The following MVB12B variants were observed in gnomAD, a reference collection of about 807,000 sequenced individuals.
MVB12B encodes multivesicular body subunit 12B, also known as ESCRT-I complex subunit MVB12B.
Under a neutral mutation model 41.6 loss-of-function variants are expected in MVB12B, and 16 were observed. That is an observed-to-expected ratio of 0.38 (90% confidence interval 0.26 to 0.58). The LOEUF (loss-of-function observed/expected upper bound fraction) is 0.58, where lower values mean the gene tolerates loss of function less well. Ranked by LOEUF, MVB12B falls within the 20% of genes least tolerant of loss-of-function variation. MVB12B has a pLI of 0.62. For missense variants in MVB12B, 274 were observed against 380.2 expected (o/e 0.72, Z 2.32); for synonymous variants, 133 against 139.7 (o/e 0.95, Z 0.34).
At chr9:126,471,308 C>T (rs1833310744) in intron 7 of MVB12B, among the ~76,000 whole-genome samples, 1 of 152,198 alleles carries the variant, frequency 6.6e-6, no homozygotes, top group Admixed American at 6.5e-5. Context: ...AAGTGACTTG[C>T]CCAAAGCCAT....
Position 126,395,449 on chromosome 9 carries a change from G to A in MVB12B, c.540-126G>A. On this transcript the variant is annotated intron_variant, in intron 5 of 9. Coordinates refer to ENST00000361171, the MANE Select transcript of MVB12B (RefSeq NM_033446.3). The surrounding 1 kb of genome is among the most constrained non-coding windows in gnomAD (Gnocchi z 4.9). ...GGAGACGGTGGAACCCATTTCACGT[G>A]GAGGGCAAGAATTGATTCCCTGGTG... is the stretch of plus-strand genomic sequence containing the variant. 8.6e-7 allele frequency: 1 copy of A among 1,160,590 alleles called. No individual in the cohort carries two copies. The highest frequency in any genetic ancestry group is 1.2e-6 in the Non-Finnish European group (1 of 804,928). The allele number at this position is 1,160,590 out of a possible 1,614,324, so 71.9% of individuals were successfully genotyped here.
intron 1 of MVB12B, among the ~76,000 whole-genome samples, chr9:126,335,571 G>A (rs1829250524): frequency 6.6e-6 from 1 of 152,164 alleles, no homozygotes; most frequent in African/African-American, 2.4e-5. Context: ...GTAATCCCGG[G>A]GCACCAGAGG....
chr9:126,376,034 C>G lies in MVB12B; in HGVS notation c.205-5030C>G, dbSNP rs1038636261. Reference sequence around the variant, plus strand: ...TAACACAGAGGCTCCCCCTCCCCTCCGGTTTTTATTTTAAAAGTTCTTTCT... The same window carrying G: ...TAACACAGAGGCTCCCCCTCCCCTCGGGTTTTTATTTTAAAAGTTCTTTCT... On this transcript the variant is annotated intron_variant, in intron 2 of 9. Transcript: ENST00000361171. The surrounding 1 kb of genome is among the most constrained non-coding windows in gnomAD (Gnocchi z 4.1). 6.6e-6 allele frequency among the ~76,000 whole-genome samples: 1 copy of G among 152,116 alleles called. No individual in the cohort carries two copies. The highest frequency in any genetic ancestry group is 6.5e-5 in the Admixed American group (1 of 15,280).
intron 2 of MVB12B, among the ~76,000 whole-genome samples, chr9:126,357,149 C>G (rs1829903355): frequency 6.6e-6 from 1 of 152,106 alleles, no homozygotes; most frequent in Non-Finnish European, 1.5e-5. Context: ...GGCTTTTTTC[C>G]TCTCAGAATA....
intron 2 of MVB12B, among the ~76,000 whole-genome samples, chr9:126,373,908 CAA>C (rs947816204): frequency 6.6e-6 from 1 of 152,306 alleles, no homozygotes; most frequent in Admixed American, 6.5e-5. Flanking sequence ...TGTGCAGAGC[CAA>C]ACAGTGGTTA....
chr9:126,369,738 C>T (rs868585706), intron 2 of MVB12B, among the ~76,000 whole-genome samples: 164 of 152,322 alleles, frequency 1.1e-3, no homozygotes, highest in African/African-American at 3.9e-3. Flanking sequence ...ACTGCAACCT[C>T]CGCCTTCCAG....
intron 7 of MVB12B, among the ~76,000 whole-genome samples, chr9:126,460,833 G>A (rs889413512): frequency 6.6e-6 from 1 of 152,142 alleles, no homozygotes; most frequent in African/African-American, 2.4e-5. Context: ...CTTTGCCTGA[G>A]TGGCCTCTGT....
At chr9:126,390,378 C>T (rs1378324556) in intron 4 of MVB12B, among the ~76,000 whole-genome samples, 1 of 152,198 alleles carries the variant, frequency 6.6e-6, no homozygotes, top group East Asian at 1.9e-4. Flanking sequence ...CCTGAGGTCA[C>T]AGTGCCAGGA....
rs535103559 is a variant in MVB12B at position 126,335,473 on chromosome 9, C to T, written c.82-5035C>T. The T allele has an allele frequency of 1.5e-5, 18 of 1,165,100 alleles. No individual in the cohort carries two copies. The East Asian group carries it at 1.0e-3, about 67-fold the overall frequency. The allele number at this position is 1,165,100 out of a possible 1,614,324, so 72.2% of individuals were successfully genotyped here. A position where few individuals can be genotyped will look rare whatever the true frequency, so the allele number is the denominator to read the frequency against. On this transcript the variant is annotated intron_variant, in intron 1 of 9. Coordinates refer to ENST00000361171, the MANE Select transcript of MVB12B (RefSeq NM_033446.3). ...GTGTGTGTGGTGTGCATTGGTGAGGCCTGGCCACAGGTTCCCTCCTTGGGG... is the reference window on the plus strand; with the variant it reads ...GTGTGTGTGGTGTGCATTGGTGAGGTCTGGCCACAGGTTCCCTCCTTGGGG...
Position 126,503,345 on chromosome 9 carries a change from G to C in MVB12B, c.*82G>C. 1 of 1,131,464 alleles carries C rather than the reference G, an allele frequency of 8.8e-7. No homozygotes were observed. The highest frequency in any genetic ancestry group is 1.3e-6 in the Non-Finnish European group (1 of 788,566). 70.1% of individuals were successfully genotyped at this position (1,131,464 alleles called of 1,614,324 possible). A position where few individuals can be genotyped will look rare whatever the true frequency, so the allele number is the denominator to read the frequency against. On this transcript the variant is annotated 3_prime_UTR_variant, in exon 10 of 10. Coordinates refer to ENST00000361171, the MANE Select transcript of MVB12B (RefSeq NM_033446.3). ...GCTGCTGCCCCCGCCTCCTCCTGCCGCCTCCGCCAGCCCTCCCTCCCACAC... is the reference window on the plus strand; with the variant it reads ...GCTGCTGCCCCCGCCTCCTCCTGCCCCCTCCGCCAGCCCTCCCTCCCACAC...
chr9:126,408,198 G>C (rs1426710387), intron 6 of MVB12B: 1 of 152,188 alleles, frequency 6.6e-6, no homozygotes, highest in Non-Finnish European at 1.5e-5. Context: ...TGATTTTGCC[G>C]TCGCCATGGT....
intron 6 of MVB12B, among the ~76,000 whole-genome samples, chr9:126,414,094 G>C (rs1267146946): frequency 6.6e-6 from 1 of 152,078 alleles, no homozygotes; most frequent in Non-Finnish European, 1.5e-5. Flanking sequence ...AAATTAACAA[G>C]GAAAAAGCAG....
intron 7 of MVB12B, among the ~76,000 whole-genome samples, chr9:126,427,449 G>C (rs185033256): frequency 2.3e-4 from 35 of 152,232 alleles, no homozygotes; most frequent in African/African-American, 8.2e-4. Flanking sequence ...GGAGAGCACA[G>C]TGCGGCTTTT....
At chr9:126,441,157 T>C (rs2417017) in intron 7 of MVB12B, among the ~76,000 whole-genome samples, 134,902 of 152,248 alleles carry the variant, frequency 0.89, 59,865 homozygotes, top group East Asian at 1. Context: ...TGGCTATCCC[T>C]TTTTCCTCTG....
rs550159515 is a variant in MVB12B at position 126,354,465 on chromosome 9, G to A, written c.204+13835G>A. On this transcript the variant is annotated intron_variant, in intron 2 of 9. Coordinates refer to ENST00000361171, the MANE Select transcript of MVB12B (RefSeq NM_033446.3). ...GGAGGTGATATTTTTATGAGAAACA[G>A]TGTATTTACAGAGTCTCAGAGTATC... is the stretch of plus-strand genomic sequence containing the variant. Among the ~76,000 whole-genome samples, 7 of 152,318 alleles carry A rather than the reference G, an allele frequency of 4.6e-5. No homozygotes were observed. The East Asian group carries it at 1.3e-3, about 29-fold the overall frequency.
At chr9:126,451,960 G>T (rs1220738447) in intron 7 of MVB12B, among the ~76,000 whole-genome samples, 3 of 152,150 alleles carry the variant, frequency 2.0e-5, no homozygotes, top group Admixed American at 6.5e-5. Flanking sequence ...CCGCGGGCTT[G>T]GTGGTTATGA....
intron 7 of MVB12B, among the ~76,000 whole-genome samples, chr9:126,443,489 T>TA (rs562413622): frequency 6.6e-6 from 1 of 152,056 alleles, no homozygotes; most frequent in African/African-American, 2.4e-5. Context: ...TTTTAAAAAA[T>TA]AAAAAAACAG....
chr9:126,366,628 C>G (rs1194310858), intron 2 of MVB12B, among the ~76,000 whole-genome samples: 1 of 151,958 alleles, frequency 6.6e-6, no homozygotes, highest in East Asian at 1.9e-4. Flanking sequence ...TTCTATAGTC[C>G]TTCTTTCCTA....
chr9:126,441,869 G>C (rs1399363319), intron 7 of MVB12B, among the ~76,000 whole-genome samples: 2 of 152,218 alleles, frequency 1.3e-5, no homozygotes, highest in African/African-American at 4.8e-5. Flanking sequence ...TGATGTAGCT[G>C]ACTGAAAGTT....
Sources: allele counts gnomAD v4.1 joint callset (sites outside exome capture counted in the v4.1 genomes callset), GRCh38; gene constraint gnomAD v4.1.1; non-coding constraint Gnocchi (gnomAD v3.1); transcripts MANE v1.5; gene names NCBI Gene and HGNC (gene_info 2026-07-23, HGNC 2026-07-21).